The following IGSF11 variants were observed in gnomAD, a reference collection of about 807,000 sequenced individuals.
IGSF11 encodes the protein CXADR like 1.
A neutral mutation model predicts 41.0 loss-of-function variants in IGSF11; 22 were observed. The ratio of observed to expected loss-of-function variants is 0.54; its 90% CI spans 0.38 to 0.77. IGSF11 has a LOEUF of 0.77. Among genes scored for constraint, IGSF11 ranks in the 30% least tolerant of loss-of-function variants. The probability of loss-of-function intolerance (pLI) is 0.00; values close to 1 mark genes in which losing one functional copy is unlikely to be tolerated. For synonymous variants in IGSF11, 219 were observed against 201.3 expected (o/e 1.09, Z -0.74); for missense variants, 444 against 530.8 (o/e 0.84, Z 1.61).
At chr3:119,016,652 CA>C in intron 1 of IGSF11, among the ~76,000 whole-genome samples, 1 of 152,158 alleles carries the variant, frequency 6.6e-6, no homozygotes, top group Non-Finnish European at 1.5e-5. Flanking sequence ...GGGCAGTTTT[CA>C]AAGAGCTGAA....
At chr3:119,109,553 T>C (rs1406546923), upstream of IGSF11, among the ~76,000 whole-genome samples, 5 of 151,934 alleles carry the variant, frequency 3.3e-5, no homozygotes, top group Admixed American at 6.6e-5. Context: ...CCTGGATTCA[T>C]TAATTTTTTG....
At chr3:119,138,368 C>T (rs138569167) in intron 1 of IGSF11, among the ~76,000 whole-genome samples, 162 of 152,156 alleles carry the variant, frequency 1.1e-3, no homozygotes, top group African/African-American at 3.9e-3. Context: ...TATATATATA[C>T]AATGGAGTAC....
intron 1 of IGSF11, among the ~76,000 whole-genome samples, chr3:119,073,844 T>C (rs1402233848): frequency 6.6e-6 from 1 of 152,028 alleles, no homozygotes; most frequent in Non-Finnish European, 1.5e-5. Context: ...GGAGAGGGGC[T>C]CCCACAGTGC....
intron 1 of IGSF11, among the ~76,000 whole-genome samples, chr3:119,013,999 A>G (rs1938411905): frequency 1.3e-5 from 2 of 152,280 alleles, no homozygotes; most frequent in South Asian, 4.1e-4. Context: ...AAGCAGCAAC[A>G]TAAAACAAAT....
At chr3:119,072,763 G>A (rs2076421410) in intron 1 of IGSF11, among the ~76,000 whole-genome samples, 1 of 152,178 alleles carries the variant, frequency 6.6e-6, no homozygotes, top group African/African-American at 2.4e-5. Flanking sequence ...GTGAGCAGCA[G>A]CAAGATTTAT....
intron 4 of IGSF11, among the ~76,000 whole-genome samples, chr3:118,917,150 A>C (rs1479032623): frequency 6.7e-6 from 1 of 150,238 alleles, no homozygotes; most frequent in Non-Finnish European, 1.5e-5. Context: ...CCACAAGAGA[A>C]AGCAGGAAAG....
At chr3:119,118,195 C>T (rs1156238840) in intron 1 of IGSF11, among the ~76,000 whole-genome samples, 1 of 152,216 alleles carries the variant, frequency 6.6e-6, no homozygotes, top group African/African-American at 2.4e-5. Context: ...GCTCTGACCC[C>T]ACATTTCCCT....
intron 1 of IGSF11, among the ~76,000 whole-genome samples, chr3:119,045,664 C>A (rs1002152418): frequency 6.6e-6 from 1 of 152,052 alleles, no homozygotes; most frequent in Non-Finnish European, 1.5e-5. Context: ...GGCCTGCCTG[C>A]CTCTGTAGGC....
intron 1 of IGSF11, among the ~76,000 whole-genome samples, chr3:119,023,419 A>G (rs1939508059): frequency 2.0e-5 from 3 of 152,172 alleles, no homozygotes; most frequent in Admixed American, 1.3e-4. Flanking sequence ...GGGATCATGC[A>G]CTTTTACAGC....
rs76127965 is a variant in IGSF11, at chr3:119,024,569, T to A, written c.52+9962A>T. On this transcript the variant is annotated intron_variant, in intron 1 of 6. Coordinates refer to ENST00000393775, the MANE Select transcript of IGSF11 (RefSeq NM_001015887.3). ...AAAAAGAACAGCTAGGCAACACTAT[T>A]GATGATATAATCAACGATATAAAAT... 1.7e-3 allele frequency among the ~76,000 whole-genome samples: 265 copies of A among 152,304 alleles called. 5 individuals are homozygous for A. In the East Asian group the frequency reaches 0.039, roughly 22 times the overall value.
At position 119,057,296 on chromosome 3, in the gene IGSF11, A is replaced by G. The variant is rs564991369; in HGVS notation, c.49+47848T>C. Reference sequence around the variant, plus strand: ...AAAGTCTCAGATACAAAATCAATGTACAAAAATCACAAGCATTCTTATACA... The same window carrying G: ...AAAGTCTCAGATACAAAATCAATGTGCAAAAATCACAAGCATTCTTATACA... On this transcript the variant is annotated intron_variant, in intron 1 of 6. Transcript: ENST00000354673. 1.9e-3 allele frequency among the ~76,000 whole-genome samples: 288 copies of G among 152,248 alleles called. 10 individuals carry two copies. The highest frequency in any genetic ancestry group is 0.017 in the Admixed American group (254 of 15,250).
chr3:119,109,459 G>A (rs1208012368), upstream of IGSF11, among the ~76,000 whole-genome samples: 39 of 151,972 alleles, frequency 2.6e-4, no homozygotes, highest in South Asian at 2.7e-3. Context: ...TTTTTATTGC[G>A]TCTATTTGAT....
chr3:119,066,324 G>A (rs1942232381), intron 1 of IGSF11, among the ~76,000 whole-genome samples: 1 of 152,140 alleles, frequency 6.6e-6, no homozygotes, highest in Non-Finnish European at 1.5e-5. Flanking sequence ...GTTTGCAACA[G>A]TTTCATGATA....
At chr3:119,010,705 G>A (rs1041174567) in intron 1 of IGSF11, among the ~76,000 whole-genome samples, 1 of 152,106 alleles carries the variant, frequency 6.6e-6, no homozygotes, top group Non-Finnish European at 1.5e-5. Flanking sequence ...TAGATCATGG[G>A]ACTCTCAACT....
At chr3:118,930,032 A>G (rs12495725) in intron 2 of IGSF11, 80 bp downstream of exon 2, 73,817 of 1,399,778 alleles carry the variant, frequency 0.053, 2,829 homozygotes, top group Admixed American at 0.2. Context: ...GAAACCAAAG[A>G]TGTACTCATG....
intron 1 of IGSF11, among the ~76,000 whole-genome samples, chr3:119,064,232 A>G (rs1054081763): frequency 2.0e-5 from 3 of 152,208 alleles, no homozygotes; most frequent in Non-Finnish European, 4.4e-5. Flanking sequence ...TATGGATTTA[A>G]TTTTTATAAA....
intron 1 of IGSF11, among the ~76,000 whole-genome samples, chr3:118,988,879 G>A (rs375581382): frequency 2.6e-5 from 4 of 152,150 alleles, no homozygotes; most frequent in African/African-American, 9.7e-5. Flanking sequence ...ACTGAAGCAC[G>A]TTACAACATT....
chr3:118,946,417 T>G (rs1944145268), intron 1 of IGSF11, among the ~76,000 whole-genome samples: 1 of 150,686 alleles, frequency 6.6e-6, no homozygotes, highest in Admixed American at 6.6e-5. Flanking sequence ...TTACAACAGA[T>G]TTAATCTCTA....
chr3:118,975,728 G>A (rs188318709), intron 1 of IGSF11, among the ~76,000 whole-genome samples: 126 of 152,286 alleles, frequency 8.3e-4, no homozygotes, highest in African/African-American at 2.7e-3. Context: ...CAACATGGAC[G>A]CAGCTGGAGG....
Sources: gnomAD v4.1 joint callset for allele counts (sites outside exome capture counted in the v4.1 genomes callset) on GRCh38, gnomAD v4.1.1 for gene constraint, MANE v1.5 for transcripts, NCBI Gene and HGNC (gene_info 2026-07-23, HGNC 2026-07-21) for gene names.